The following STXBP2 variants were observed in gnomAD, a reference collection of about 807,000 sequenced individuals.
STXBP2 encodes syntaxin binding protein 2.
STXBP2 carries 47 observed loss-of-function variants against 72.2 expected under a neutral mutation model. The observed-to-expected ratio is 0.65, with a 90% CI of 0.51 to 0.83. The LOEUF is 0.83. Among genes scored for constraint, STXBP2 ranks in the 40% least tolerant of loss-of-function variants. The pLI is 0.00. For synonymous variants in STXBP2, 367 were observed against 338.7 expected (o/e 1.08, Z -0.92); for missense variants, 702 against 807.6 (o/e 0.87, Z 1.58).
At position 7,639,745 on chromosome 19, in the gene STXBP2, A is replaced by G. The variant is rs368283130; in HGVS notation, c.184A>G (p.Asn62Asp). ...GTTCCTACTAGTTGTTGAAGACATC[A>G]ACAAACGGCGGGAACCCATTCCCAG... ...AEGITIVEDI[N>D]KRREPIPSLE... The change falls in exon 4 of 19, where the codon AAC (asparagine) becomes GAC (aspartate). Residue 62 changes from asparagine to aspartate, a missense_variant. Transcript: ENST00000221283. The G allele has an allele frequency of 4.3e-6, 7 of 1,613,338 alleles. No homozygotes were observed. The East Asian group carries it at 1.3e-4, about 31-fold the overall frequency.
chr19:7,639,539 C>G (rs2031701859), intron 3 of STXBP2, 192 bp from the exon 4 acceptor site: 2 of 641,648 alleles, frequency 3.1e-6, no homozygotes, highest in East Asian at 2.8e-5. Context: ...TTGGGGAACC[C>G]AGTTGGCTGC....
At chr19:7,630,383 G>C in the STXBP2 span, 2 of 596,090 alleles carry the variant, frequency 3.4e-6, no homozygotes, top group Non-Finnish European at 6.0e-6. Context: ...CAGGAATGAG[G>C]CCTCCTGGAT....
chr19:7,632,919 C>T (rs767732071), upstream of STXBP2: 54 of 1,499,642 alleles, frequency 3.6e-5, no homozygotes, highest in Non-Finnish European at 4.4e-5. This position sits in a 1 kb window ranked among gnomAD's most constrained non-coding sequence, Gnocchi z 5.2. Flanking sequence ...ACCCTGACCC[C>T]GGGGCCTGCC....
At chr19:7,645,050 G>C in intron 14 of STXBP2, 147 bp from the exon 15 acceptor site, 1 of 1,450,744 alleles carries the variant, frequency 6.9e-7, no homozygotes, top group Non-Finnish European at 9.2e-7. Flanking sequence ...TCCCACTCTT[G>C]CTCACACTAG....
intron 4 of STXBP2, 99 bp downstream of exon 4, chr19:7,639,906 ATACGTGTGCATG>A: frequency 7.7e-7 from 1 of 1,298,364 alleles, no homozygotes. Flanking sequence ...GTGCATGTGT[ATACGTGTGCATG>A]TGTCCATGTG....
At chr19:7,638,517 G>A (rs1433116287) in intron 1 of STXBP2, among the ~76,000 whole-genome samples, 3 of 151,966 alleles carry the variant, frequency 2.0e-5, no homozygotes, top group Non-Finnish European at 4.4e-5. Context: ...CAAGAGGATC[G>A]CTGGAGCCCA....
chr19:7,646,398 C>G, intron 16 of STXBP2, 54 bp downstream of exon 16: 1 of 1,490,232 alleles, frequency 6.7e-7, no homozygotes, highest in Non-Finnish European at 9.2e-7. Flanking sequence ...GCTGGCGGCT[C>G]AGCCTCCCTC....
chr19:7,646,015 CTT>C, intron 15 of STXBP2: 2 of 589,480 alleles, frequency 3.4e-6, no homozygotes, highest in East Asian at 5.6e-5. Context: ...CTGCCTCTGT[CTT>C]TGTCTTTCTC....
chr19:7,629,872 C>G, the STXBP2 span: 1 of 1,530,804 alleles, frequency 6.5e-7, no homozygotes, highest in Non-Finnish European at 8.7e-7. Flanking sequence ...TCAGTGGACA[C>G]AGGAGTGGGT....
the STXBP2 span, chr19:7,630,929 G>A: frequency 2.0e-6 from 3 of 1,503,764 alleles, no homozygotes; most frequent in Non-Finnish European, 2.7e-6. Flanking sequence ...AAAATTTTAG[G>A]CCAGGCGCAG....
upstream of STXBP2, chr19:7,632,112 T>C (rs564574748): frequency 3.1e-4 from 177 of 571,398 alleles, 1 homozygote; most frequent in South Asian, 3.8e-3. The surrounding 1 kb of genome is among the most constrained non-coding windows in gnomAD (Gnocchi z 5.2). Flanking sequence ...TGGGATACTT[T>C]CCTAGGAAGG....
upstream of STXBP2, chr19:7,632,621 C>T (rs975517776): frequency 8.2e-6 from 13 of 1,584,564 alleles, no homozygotes; most frequent in Non-Finnish European, 9.4e-6. This position sits in a 1 kb window ranked among gnomAD's most constrained non-coding sequence, Gnocchi z 5.2. Flanking sequence ...AACCACCTCC[C>T]ACATCCCGTG....
intron 13 of STXBP2, among the ~76,000 whole-genome samples, chr19:7,643,895 T>G (rs1366145052): frequency 2.2e-5 from 3 of 136,508 alleles, no homozygotes; most frequent in Non-Finnish European, 4.7e-5. Flanking sequence ...AGGTGGGACC[T>G]GAGTGAGGGG....
chr19:7,631,505 A>ACGGAAG, the STXBP2 span: 5 of 1,536,520 alleles, frequency 3.3e-6, no homozygotes, highest in African/African-American at 1.4e-5. Flanking sequence ...AAGAGAGGTT[A>ACGGAAG]CGGAAGCGGC....
At chr19:7,632,071 T>A (rs2031335637), upstream of STXBP2, 1 of 550,438 alleles carries the variant, frequency 1.8e-6, no homozygotes, top group African/African-American at 1.9e-5. The surrounding 1 kb of genome is among the most constrained non-coding windows in gnomAD (Gnocchi z 5.2). Context: ...GATGTATATA[T>A]CCTATGTGTG....
At chr19:7,641,573 G>T in intron 6 of STXBP2, 132 bp from the exon 7 acceptor site, 1 of 1,262,294 alleles carries the variant, frequency 7.9e-7, no homozygotes, top group Non-Finnish European at 1.1e-6. Context: ...ACCTGGGCCT[G>T]CCTCCAATTC....
At chr19:7,638,171 C>T (rs148147052) in intron 1 of STXBP2, among the ~76,000 whole-genome samples, 4 of 152,326 alleles carry the variant, frequency 2.6e-5, no homozygotes, top group East Asian at 1.9e-4. Context: ...ACATGTTTAT[C>T]GAGTGGCACC....
At position 7,642,153 on chromosome 19, in the gene STXBP2, C is replaced by G. The variant is rs1215113835; in HGVS notation, c.663+35C>G. The G allele has an allele frequency of 1.2e-6, 2 of 1,614,064 alleles. No individual in the cohort carries two copies. Among genetic ancestry groups the G allele is most frequent in the East Asian group, 4.5e-5 (2 of 44,868 alleles). On this transcript the variant is annotated intron_variant, in intron 8 of 18. Transcript: ENST00000221283. This position sits in a 1 kb window ranked among gnomAD's most constrained non-coding sequence, Gnocchi z 6.0. ...CGTGCTTGGGAGGTGAGGGGCAGCCCCAACCGGCTCAGGGTCAGTGCCTCA... is the reference window on the plus strand; with the variant it reads ...CGTGCTTGGGAGGTGAGGGGCAGCCGCAACCGGCTCAGGGTCAGTGCCTCA...
chr19:7,644,559 C>G (rs373600858), intron 13 of STXBP2, 55 bp from the exon 14 acceptor site: 35 of 1,602,884 alleles, frequency 2.2e-5, no homozygotes, highest in East Asian at 1.8e-4. Context: ...CCCGCCTCTC[C>G]CATCCCCTTC....
Sources: allele counts gnomAD v4.1 joint callset (sites outside exome capture counted in the v4.1 genomes callset), GRCh38; gene constraint gnomAD v4.1.1; non-coding constraint Gnocchi (gnomAD v3.1); transcripts MANE v1.5; gene names NCBI Gene and HGNC (gene_info 2026-07-23, HGNC 2026-07-21).